SENP7: variants seen among roughly 807,000 people sequenced by gnomAD.
SENP7 encodes the protein sentrin-specific protease 7.
A neutral mutation model predicts 141.2 loss-of-function variants in SENP7; 64 were observed. That is an observed-to-expected ratio of 0.45 (90% CI 0.37 to 0.56). SENP7 has a LOEUF of 0.56. SENP7 is among the 20% of genes least tolerant of loss of function. The pLI, the probability that SENP7 is intolerant of heterozygous loss-of-function variation, is 0.00. For synonymous variants in SENP7, 382 were observed against 426.4 expected (o/e 0.90, Z 1.28); for missense variants, 1,025 against 1,212.2 (o/e 0.85, Z 2.29).
At chr3:101,337,453 C>G in intron 17 of SENP7, 56 bp downstream of exon 17, 1 of 1,255,644 alleles carries the variant, frequency 8.0e-7, no homozygotes, top group Non-Finnish European at 1.1e-6. Context: ...TTACTAGGAG[C>G]ATCAAAAATA....
intron 6 of SENP7, among the ~76,000 whole-genome samples, chr3:101,382,019 T>C (rs1432889140): frequency 6.6e-6 from 1 of 152,196 alleles, no homozygotes; most frequent in Non-Finnish European, 1.5e-5. Context: ...TTTAAAAGCT[T>C]TGGGCTCCCT....
At chr3:101,459,191 T>C (rs1559859457) in intron 3 of SENP7, 139 bp from the exon 4 acceptor site, 2 of 451,082 alleles carry the variant, frequency 4.4e-6, no homozygotes, top group Non-Finnish European at 7.8e-6. Context: ...GTGCAATCTA[T>C]GGAATATCTG....
intron 6 of SENP7, among the ~76,000 whole-genome samples, chr3:101,390,906 G>C (rs1165120761): frequency 1.3e-5 from 2 of 152,082 alleles, no homozygotes; most frequent in Non-Finnish European, 2.9e-5. Flanking sequence ...ACTATCTTCT[G>C]AGACTGCAAT....
At chr3:101,449,316 A>T (rs1288310049) in intron 4 of SENP7, among the ~76,000 whole-genome samples, 1 of 152,208 alleles carries the variant, frequency 6.6e-6, no homozygotes, top group African/African-American at 2.4e-5. Context: ...TATCCAGGAG[A>T]ACTTCCCCAA....
In SENP7 at chr3:101,325,323, G is replaced by A. The variant is rs1278204244; in HGVS notation, c.*620C>T. The A allele has an allele frequency of 4.6e-5, 7 of 151,360 alleles. No individual in the cohort carries two copies. Among genetic ancestry groups the A allele is most frequent in the Non-Finnish European group, 1.0e-4 (7 of 67,796 alleles). The allele number at this position is 151,360 out of a possible 1,614,324, so 9.4% of individuals were successfully genotyped here. ...ATGAAAAAAAAAAAGCAGAGTAATCGTATTTAGCAATTGAGAATAATAAGC... is the reference window on the plus strand; with the variant it reads ...ATGAAAAAAAAAAAGCAGAGTAATCATATTTAGCAATTGAGAATAATAAGC... On this transcript the variant is annotated 3_prime_UTR_variant, in exon 24 of 24. Coordinates refer to ENST00000394095, the MANE Select transcript of SENP7 (RefSeq NM_020654.5).
intron 4 of SENP7, among the ~76,000 whole-genome samples, chr3:101,437,750 C>A (rs1235050191): frequency 3.3e-5 from 5 of 151,932 alleles, no homozygotes; most frequent in East Asian, 1.9e-4. Context: ...CAATAAAAAA[C>A]CAAAAAAGCC....
intron 6 of SENP7, among the ~76,000 whole-genome samples, chr3:101,391,435 GAAT>G (rs1276226460): frequency 1.3e-5 from 2 of 150,654 alleles, no homozygotes; most frequent in African/African-American, 4.9e-5. Context: ...GAAATACAAA[GAAT>G]AATTAGAGGA....
At chr3:101,417,939 CTA>C (rs1173204669) in intron 4 of SENP7, 149 bp from the exon 5 acceptor site, 1 of 617,456 alleles carries the variant, frequency 1.6e-6, no homozygotes, top group Non-Finnish European at 2.8e-6. Flanking sequence ...AAATGCCTAA[CTA>C]TTATCAAAGA....
intron 6 of SENP7, among the ~76,000 whole-genome samples, chr3:101,379,770 T>C (rs2060442902): frequency 1.3e-5 from 2 of 152,184 alleles, no homozygotes; most frequent in African/African-American, 2.4e-5. Flanking sequence ...GTATGATGTT[T>C]CCTCAAAAAG....
At chr3:101,469,354 G>A (rs2063887348) in intron 3 of SENP7, among the ~76,000 whole-genome samples, 1 of 152,054 alleles carries the variant, frequency 6.6e-6, no homozygotes, top group Non-Finnish European at 1.5e-5. Context: ...CGAGACAGAT[G>A]GTTAATAAGG....
At position 101,327,752 on chromosome 3, in the gene SENP7, C is replaced by A; in HGVS notation, c.2929G>T (p.Val977Leu). The A allele has an allele frequency of 6.2e-7, 1 of 1,611,342 alleles. No homozygotes were observed. Among genetic ancestry groups the A allele is most frequent in the South Asian group, 1.1e-5 (1 of 90,804 alleles). ...TTAGGAACTTTAGGGCATAGATCCA[C>A]CATGTTTGTTTTGCTGAATTGACGA... is the stretch of plus-strand genomic sequence containing the variant. ...THRQFSKTNM[V>L]DLCPKVPKQD... The change falls in exon 23 of 24, where the codon GTG becomes TTG. Residue 977 changes from valine (V) to leucine (L), a missense_variant. Val to Leu is a conservative substitution (Grantham distance 32). Transcript: ENST00000394095.
intron 4 of SENP7, among the ~76,000 whole-genome samples, chr3:101,442,224 A>T (rs1002572075): frequency 6.6e-6 from 1 of 152,198 alleles, no homozygotes; most frequent in Non-Finnish European, 1.5e-5. Context: ...CCTGAAAACA[A>T]ACTCAAAATA....
At chr3:101,329,684 T>C (rs1450162739) in intron 20 of SENP7, among the ~76,000 whole-genome samples, 1 of 149,088 alleles carries the variant, frequency 6.7e-6, no homozygotes, top group Non-Finnish European at 1.5e-5. Flanking sequence ...ACGCCTCTAA[T>C]CTCAGCACTT....
At position 101,354,258 on chromosome 3, in the gene SENP7, A is replaced by C. The variant is rs116414699; in HGVS notation, c.1624-2607T>G. 2.1e-3 allele frequency among the ~76,000 whole-genome samples: 319 copies of C among 152,150 alleles called. 1 individual carries two copies. The highest frequency in any genetic ancestry group is 7.5e-3 in the African/African-American group (310 of 41,550). ...TGAAATGTTCCAGCAAACATAAATA[A>C]AATTTGTTACCTTTTATTTTAGGTT... On this transcript the variant is annotated intron_variant, in intron 11 of 23. Coordinates refer to ENST00000394095, the MANE Select transcript of SENP7 (RefSeq NM_020654.5).
At chr3:101,372,799 G>A (rs2060216488) in intron 6 of SENP7, among the ~76,000 whole-genome samples, 1 of 151,648 alleles carries the variant, frequency 6.6e-6, no homozygotes, top group Non-Finnish European at 1.5e-5. Context: ...TTAGAATCAG[G>A]GAATATAAAA....
intron 4 of SENP7, among the ~76,000 whole-genome samples, chr3:101,422,362 A>G (rs771594118): frequency 4.6e-5 from 7 of 152,186 alleles, no homozygotes; most frequent in Non-Finnish European, 1.0e-4. Flanking sequence ...GGGGTTGAGA[A>G]CTTCTGGGGC....
At chr3:101,508,071 T>C (rs1426814522) in intron 1 of SENP7, among the ~76,000 whole-genome samples, 1 of 113,412 alleles carries the variant, frequency 8.8e-6, no homozygotes, top group Admixed American at 8.4e-5. Flanking sequence ...AAAAAAAAAA[T>C]TGGATATATT....
intron 4 of SENP7, among the ~76,000 whole-genome samples, chr3:101,439,057 G>A (rs1051504852): frequency 4.6e-5 from 6 of 129,406 alleles, no homozygotes; most frequent in East Asian, 2.3e-4. Context: ...GAGCGTCTCC[G>A]CCCGGCCGCC....
chr3:101,434,599 T>C (rs2062312290), intron 4 of SENP7, among the ~76,000 whole-genome samples: 1 of 152,170 alleles, frequency 6.6e-6, no homozygotes, highest in Non-Finnish European at 1.5e-5. Context: ...TTACAACTGA[T>C]ACTACAGAAA....
Sources: allele counts gnomAD v4.1 joint callset (sites outside exome capture counted in the v4.1 genomes callset), GRCh38; gene constraint gnomAD v4.1.1; transcripts MANE v1.5; gene names NCBI Gene and HGNC (gene_info 2026-07-23, HGNC 2026-07-21).